The following CDKAL1 variants were observed in gnomAD, a reference collection of about 807,000 sequenced individuals.
CDKAL1 encodes the protein threonylcarbamoyladenosine tRNA methylthiotransferase.
CDKAL1 carries 32 observed loss-of-function variants against 68.2 expected under a neutral mutation model. The observed-to-expected ratio is 0.47, with a 90% CI of 0.35 to 0.63. CDKAL1 has a LOEUF of 0.63. Among genes scored for constraint, CDKAL1 ranks in the 30% least tolerant of loss-of-function variants. The probability of loss-of-function intolerance (pLI) is 0.00; values close to 1 mark genes in which losing one functional copy is unlikely to be tolerated. For synonymous variants in CDKAL1, 234 were observed against 244.3 expected (o/e 0.96, Z 0.39); for missense variants, 606 against 696.7 (o/e 0.87, Z 1.47).
At chr6:20,536,622 C>T (rs187989290) in intron 2 of CDKAL1, among the ~76,000 whole-genome samples, 2 of 152,022 alleles carry the variant, frequency 1.3e-5, no homozygotes, top group East Asian at 1.9e-4. Context: ...ATCAAAATCA[C>T]CTAGAGGGCC....
rs368795837 is a variant in CDKAL1 at position 21,147,191 on chromosome 6, A to AT, written c.1299+38735dup. Among the ~76,000 whole-genome samples the AT allele has an allele frequency of 7.3e-3, 1,118 of 152,158 alleles. 15 individuals carry two copies. The highest frequency in any genetic ancestry group is 0.026 in the African/African-American group (1,072 of 41,518). On this transcript the variant is annotated intron_variant, in intron 13 of 15. Coordinates refer to ENST00000274695, the MANE Select transcript of CDKAL1 (RefSeq NM_017774.3). ...TTTCGAGTTTTTAATACATAAGGTC[A>AT]TTTTTTTCCCCCAATGTTTCTGGAT... is the stretch of plus-strand genomic sequence containing the variant.
chr6:20,861,273 A>T (rs1306671277), intron 9 of CDKAL1, among the ~76,000 whole-genome samples: 1 of 152,218 alleles, frequency 6.6e-6, no homozygotes, highest in African/African-American at 2.4e-5. Context: ...CCATAAATGT[A>T]AGCGTACGTA....
At chr6:21,175,469 C>T (rs1430564421) in intron 13 of CDKAL1, among the ~76,000 whole-genome samples, 1 of 152,192 alleles carries the variant, frequency 6.6e-6, no homozygotes, top group Non-Finnish European at 1.5e-5. Context: ...TTTGCCTTGA[C>T]TCTCAGGAAG....
intron 9 of CDKAL1, among the ~76,000 whole-genome samples, chr6:20,855,573 C>A (rs1472153968): frequency 6.6e-6 from 1 of 151,534 alleles, no homozygotes; most frequent in African/African-American, 2.4e-5. Flanking sequence ...TGGTCTACTT[C>A]CAGATTCCAC....
intron 8 of CDKAL1, among the ~76,000 whole-genome samples, chr6:20,836,835 A>C (rs2150476254): frequency 6.6e-6 from 1 of 152,276 alleles, no homozygotes; most frequent in Non-Finnish European, 1.5e-5. Context: ...ATGTAGGAGA[A>C]GAGGCACTAA....
chr6:20,825,496 CAGAAAT>C (rs2150450658), intron 8 of CDKAL1, among the ~76,000 whole-genome samples: 1 of 152,114 alleles, frequency 6.6e-6, no homozygotes, highest in East Asian at 1.9e-4. Flanking sequence ...AAGATATAGA[CAGAAAT>C]AGAAGGTAAG....
At chr6:20,729,894 A>G (rs1161514014) in intron 5 of CDKAL1, among the ~76,000 whole-genome samples, 1 of 152,224 alleles carries the variant, frequency 6.6e-6, no homozygotes, top group Non-Finnish European at 1.5e-5. Context: ...TTTTGCTGCT[A>G]CAATGTGCCA....
chr6:20,947,249 G>A (rs1022362941), intron 9 of CDKAL1, among the ~76,000 whole-genome samples: 2 of 152,114 alleles, frequency 1.3e-5, no homozygotes, highest in African/African-American at 4.8e-5. Flanking sequence ...GACTTATGAT[G>A]GGGTCACATC....
At position 20,642,487 on chromosome 6, in the gene CDKAL1, A is replaced by AAC. The variant is rs1358793212; in HGVS notation, c.287-6805_287-6804insCA. Among the ~76,000 whole-genome samples the AAC allele has an allele frequency of 2.4e-4, 36 of 151,212 alleles. 1 individual carries two copies. Among genetic ancestry groups the AAC allele is most frequent in the East Asian group, 3.9e-4 (2 of 5,190 alleles). On this transcript the variant is annotated intron_variant, in intron 4 of 15. Coordinates refer to ENST00000274695, the MANE Select transcript of CDKAL1 (RefSeq NM_017774.3). ...AAAAGATGAAAAACAGAAAAAAAAA[A>AAC]AAAAAACACTGCGAGGGGCCCTTAT... is the stretch of plus-strand genomic sequence containing the variant.
chr6:20,997,911 G>T (rs896402326), intron 10 of CDKAL1, among the ~76,000 whole-genome samples: 1 of 152,044 alleles, frequency 6.6e-6, no homozygotes, highest in African/African-American at 2.4e-5. Context: ...AAAATTAGAT[G>T]ATTTACATAT....
chr6:20,708,807 T>A (rs528836797), intron 5 of CDKAL1, among the ~76,000 whole-genome samples: 1 of 152,348 alleles, frequency 6.6e-6, no homozygotes, highest in African/African-American at 2.4e-5. Flanking sequence ...ATTTCTGGTC[T>A]GGTTTCTTTG....
At chr6:20,998,458 A>G (rs1767240667) in intron 10 of CDKAL1, among the ~76,000 whole-genome samples, 1 of 152,068 alleles carries the variant, frequency 6.6e-6, no homozygotes, top group South Asian at 2.1e-4. Flanking sequence ...CTAAAACCAC[A>G]AAAATTAGCT....
At chr6:20,874,082 C>T (rs565313743) in intron 9 of CDKAL1, among the ~76,000 whole-genome samples, 1 of 152,100 alleles carries the variant, frequency 6.6e-6, no homozygotes, top group South Asian at 2.1e-4. Flanking sequence ...GACGTTGGGC[C>T]TGGGATATAG....
intron 9 of CDKAL1, among the ~76,000 whole-genome samples, chr6:20,949,506 ATATACT>A (rs1433786118): frequency 1.3e-5 from 2 of 152,160 alleles, no homozygotes; most frequent in African/African-American, 2.4e-5. Flanking sequence ...GTTAGCTGAA[ATATACT>A]TAATCTGTGC....
intron 5 of CDKAL1, among the ~76,000 whole-genome samples, chr6:20,672,297 TCC>T (rs199959531): frequency 2.6e-4 from 29 of 112,760 alleles, no homozygotes; most frequent in Middle Eastern, 4.6e-3. Context: ...TCTCTCTCTC[TCC>T]CTCTCCCTCT....
chr6:21,142,740 A>G (rs1373253195), intron 13 of CDKAL1, among the ~76,000 whole-genome samples: 1 of 152,248 alleles, frequency 6.6e-6, no homozygotes, highest in African/African-American at 2.4e-5. Flanking sequence ...CTGCAGCCTT[A>G]AAGAGTAAAT....
chr6:21,114,107 G>A (rs2150999107), intron 13 of CDKAL1, among the ~76,000 whole-genome samples: 1 of 152,010 alleles, frequency 6.6e-6, no homozygotes, highest in Non-Finnish European at 1.5e-5. Flanking sequence ...AATTAGCCGG[G>A]CGTGGTGGCC....
intron 13 of CDKAL1, among the ~76,000 whole-genome samples, chr6:21,132,312 TA>T (rs1258569616): frequency 6.6e-6 from 1 of 152,152 alleles, no homozygotes; most frequent in Non-Finnish European, 1.5e-5. Flanking sequence ...ACCCAGCTGA[TA>T]AATGTGATTT....
intron 2 of CDKAL1, among the ~76,000 whole-genome samples, chr6:20,536,688 A>G (rs1185093804): frequency 6.6e-6 from 1 of 152,166 alleles, no homozygotes; most frequent in Non-Finnish European, 1.5e-5. Context: ...TCTGGAGTGG[A>G]GTTCAAGAAT....
Sources: gnomAD v4.1 joint callset for allele counts (sites outside exome capture counted in the v4.1 genomes callset) on GRCh38, gnomAD v4.1.1 for gene constraint, MANE v1.5 for transcripts, NCBI Gene and HGNC (gene_info 2026-07-23, HGNC 2026-07-21) for gene names.